Variants in ZNF282 observed in about 807,000 individuals in gnomAD.
The protein encoded by ZNF282 is zinc finger protein 282.
In ZNF282, 30 loss-of-function variants were observed where a neutral mutation model predicts 61.9. The observed-to-expected ratio is 0.48, with a 90% CI of 0.36 to 0.66. The LOEUF (loss-of-function observed/expected upper bound fraction) is 0.66, where lower values mean the gene tolerates loss of function less well. Among genes scored for constraint, ZNF282 ranks in the 30% least tolerant of loss-of-function variants. The pLI is 0.00. For synonymous variants in ZNF282, 396 were observed against 405.0 expected, an observed-to-expected ratio of 0.98 and a Z score of 0.27; for missense variants, 788 against 941.4, an observed-to-expected ratio of 0.84 and a Z score of 2.13.
At chr7:149,200,703 C>A (rs751556528) in intron 2 of ZNF282, among the ~76,000 whole-genome samples, 2 of 152,124 alleles carry the variant, frequency 1.3e-5, no homozygotes, top group Non-Finnish European at 2.9e-5. Flanking sequence ...TCAAGTGATT[C>A]TCCTGCCTCA....
At chr7:149,221,998 C>CT (rs1796261832) in intron 7 of ZNF282, among the ~76,000 whole-genome samples, 1 of 150,858 alleles carries the variant, frequency 6.6e-6, no homozygotes, top group East Asian at 2.0e-4. Context: ...GAGCAGGACT[C>CT]CTCTAGGGAG....
At chr7:149,201,638 G>A (rs1456729597) in intron 2 of ZNF282, among the ~76,000 whole-genome samples, 1 of 152,118 alleles carries the variant, frequency 6.6e-6, no homozygotes, top group Non-Finnish European at 1.5e-5. Flanking sequence ...TGTAATCCCA[G>A]CTACTCAGGA....
In ZNF282 at chr7:149,224,925, C is replaced by T; in HGVS notation, c.*278C>T. On this transcript the variant is annotated 3_prime_UTR_variant, in exon 8 of 8. Coordinates refer to ENST00000610704, the MANE Select transcript of ZNF282 (RefSeq NM_003575.4). ...CCGCCCTCACACCTCCTCGAGTGCC[C>T]TGGGACCACTGGGCCACAGATGGTC... The T allele has an allele frequency of 2.2e-6, 1 of 458,708 alleles. No homozygotes were observed. The highest frequency in any genetic ancestry group is 3.3e-5 in the South Asian group (1 of 30,132). 28.4% of individuals were successfully genotyped at this position (458,708 alleles called of 1,614,324 possible).
chr7:149,224,504 A>T lies in ZNF282; in HGVS notation c.1873A>T (p.Thr625Ser). The T allele has an allele frequency of 6.2e-7, 1 of 1,612,104 alleles. No individual in the cohort carries two copies. The change falls in exon 8 of 8, where the codon ACG becomes TCG. Residue 625 changes from threonine to serine, a missense_variant. Physicochemically the swap from Thr to Ser is moderately conservative, Grantham distance 58. This residue lies in a region of ZNF282 where 559 missense variants were observed against 642.0 expected (regional missense o/e 0.87). Coordinates refer to ENST00000610704, the MANE Select transcript of ZNF282 (RefSeq NM_003575.4). The stretch of plus-strand genomic sequence containing the variant: ...CCTGCTCAAGCACCAGCGCATCCAC[A>T]CGGGCGAGCGCCCCTACACGTGCGG... ...QNLLKHQRIH[T>S]GERPYTCGEC...
intron 2 of ZNF282, among the ~76,000 whole-genome samples, chr7:149,199,134 C>T (rs1472646338): frequency 6.6e-6 from 1 of 152,196 alleles, no homozygotes; most frequent in Non-Finnish European, 1.5e-5. Context: ...GCTGGAGTCG[C>T]ACCTCAAACC....
Position 149,210,639 on chromosome 7 carries a change from A to C in ZNF282, c.887A>C (p.Asp296Ala), listed in dbSNP as rs1335230589. 6.2e-6 allele frequency: 10 copies of C among 1,612,226 alleles called. No homozygotes were observed. The African/African-American group carries it at 1.2e-4, about 19-fold the overall frequency. Reference protein sequence around the residue: ...QDASSQVKREDTLCVRGQRGL... With the variant: ...QDASSQVKREATLCVRGQRGL... ...GCGTCCTCCCAGGTGAAGCGTGAGG[A>C]CACCCTGTGTGTCCGGGGTCAGCGG... is the stretch of plus-strand genomic sequence containing the variant. The change falls in exon 5 of 8, where the codon GAC becomes GCC. Residue 296 changes from aspartate to alanine, a missense_variant. Transcript: ENST00000610704.
intron 4 of ZNF282, among the ~76,000 whole-genome samples, chr7:149,208,879 G>A (rs576320527): frequency 2.6e-4 from 39 of 151,668 alleles, no homozygotes; most frequent in African/African-American, 8.0e-4. Flanking sequence ...AAATTAGCCG[G>A]GTGCAGTGGC....
intron 4 of ZNF282, among the ~76,000 whole-genome samples, chr7:149,209,668 C>T (rs887743315): frequency 2.6e-5 from 4 of 152,156 alleles, no homozygotes; most frequent in Non-Finnish European, 5.9e-5. Context: ...CTAAATGACT[C>T]ATCCACTGAG....
rs1795855902 is a variant in ZNF282, at chr7:149,198,455, C to G, written c.288C>G (p.Ile96Met). The change falls in exon 2 of 8, where the codon ATC becomes ATG. Residue 96 changes from isoleucine to methionine, a missense_variant. Coordinates refer to ENST00000610704, the MANE Select transcript of ZNF282 (RefSeq NM_003575.4). The surrounding 1 kb of genome is among the most constrained non-coding windows in gnomAD (Gnocchi z 4.3). Reference sequence around the variant, plus strand: ...AGCCCCAGTTGCCCACAGCAGAGATCTCACTCTGGACTGTGGTGGCTGCCA... The same window carrying G: ...AGCCCCAGTTGCCCACAGCAGAGATGTCACTCTGGACTGTGGTGGCTGCCA... Reference protein sequence around the residue: ...MREPQLPTAEISLWTVVAAIQ... With the variant: ...MREPQLPTAEMSLWTVVAAIQ... 1.2e-6 allele frequency: 2 copies of G among 1,614,208 alleles called. No homozygotes were observed. Among genetic ancestry groups the G allele is most frequent in the East Asian group, 4.5e-5 (2 of 44,884 alleles).
intron 2 of ZNF282, among the ~76,000 whole-genome samples, chr7:149,205,395 G>A (rs995947856): frequency 3.3e-5 from 5 of 152,040 alleles, no homozygotes; most frequent in East Asian, 1.9e-4. Flanking sequence ...CTGGTATCGC[G>A]TCACTGCACT....
chr7:149,195,978 G>GGAGCA (rs1227347798), intron 1 of ZNF282, among the ~76,000 whole-genome samples: 1 of 150,488 alleles, frequency 6.6e-6, no homozygotes, highest in Non-Finnish European at 1.5e-5. Flanking sequence ...CGCGCGGCGC[G>GGAGCA]GAGCAGCGGT....
Position 149,213,718 on chromosome 7 carries a change from C to T in ZNF282, c.1084C>T (p.His362Tyr). The T allele has an allele frequency of 6.2e-7, 1 of 1,613,504 alleles. No individual in the cohort carries two copies. Among genetic ancestry groups the T allele is most frequent in the East Asian group, 2.2e-5 (1 of 44,854 alleles). The change falls in exon 7 of 8, where the codon CAT becomes TAT. Residue 362 changes from histidine (H) to tyrosine (Y), a missense_variant. Physicochemically the swap from His to Tyr is moderately conservative, Grantham distance 83 (BLOSUM62 2). This residue lies in a region of ZNF282 where 559 missense variants were observed against 642.0 expected (regional missense o/e 0.87). Transcript: ENST00000610704. ...DPNSESLISA[H>Y]DILSWIKQEE... ...GACAACAGAGTCTCTCATCTCAGCA[C>T]ATGACATTTTGTCATGGATCAAGCA...
intron 1 of ZNF282, among the ~76,000 whole-genome samples, chr7:149,196,291 G>C (rs1276046867): frequency 6.6e-6 from 1 of 152,250 alleles, no homozygotes; most frequent in Non-Finnish European, 1.5e-5. Flanking sequence ...GCCATGGAGA[G>C]ATGACTTCGG....
Position 149,210,554 on chromosome 7 carries a change from G to A in ZNF282, c.833-31G>A, listed in dbSNP as rs903217478. On this transcript the variant is annotated intron_variant, in intron 4 of 7. Transcript: ENST00000610704. Reference sequence around the variant, plus strand: ...AGCTCCTGGTGCCTGCAGAAAAAAAGACACAAAGCAATGTCATTCTCTGTC... The same window carrying A: ...AGCTCCTGGTGCCTGCAGAAAAAAAAACACAAAGCAATGTCATTCTCTGTC... The A allele has an allele frequency of 3.7e-6, 6 of 1,605,750 alleles. No homozygotes were observed. In the African/African-American group the frequency reaches 6.7e-5, roughly 18 times the overall value.
intron 7 of ZNF282, among the ~76,000 whole-genome samples, chr7:149,223,149 T>C (rs1796284433): frequency 6.6e-6 from 1 of 151,710 alleles, no homozygotes; most frequent in Non-Finnish European, 1.5e-5. Flanking sequence ...TAATTTTGTA[T>C]TTTTAGTAGA....
chr7:149,205,704 C>T (rs1224405749), intron 2 of ZNF282, among the ~76,000 whole-genome samples: 1 of 152,216 alleles, frequency 6.6e-6, no homozygotes, highest in Non-Finnish European at 1.5e-5. Flanking sequence ...GCTGCCCACT[C>T]ACCATGCTGA....
intron 2 of ZNF282, among the ~76,000 whole-genome samples, chr7:149,203,045 T>C (rs2129523150): frequency 6.6e-6 from 1 of 152,294 alleles, no homozygotes; most frequent in African/African-American, 2.4e-5. Context: ...AGAACTGAGT[T>C]GTAATCGTGG....
At chr7:149,216,296 T>C (rs555212946) in intron 7 of ZNF282, among the ~76,000 whole-genome samples, 1 of 152,272 alleles carries the variant, frequency 6.6e-6, no homozygotes, top group African/African-American at 2.4e-5. Context: ...AGATAGGGTC[T>C]TGCTATATTA....
At chr7:149,219,454 G>T (rs961421666) in intron 7 of ZNF282, among the ~76,000 whole-genome samples, 3 of 152,320 alleles carry the variant, frequency 2.0e-5, no homozygotes, top group Admixed American at 6.5e-5. Flanking sequence ...CTTGGGGAGG[G>T]TTAACTATGT....
Sources: allele counts gnomAD v4.1 joint callset (sites outside exome capture counted in the v4.1 genomes callset), GRCh38; gene constraint gnomAD v4.1.1; regional missense constraint gnomAD v4.1.1; non-coding constraint Gnocchi (gnomAD v3.1); transcripts MANE v1.5; gene names NCBI Gene and HGNC (gene_info 2026-07-23, HGNC 2026-07-21).